Variants in GALNT16 observed in about 807,000 individuals in gnomAD.
The protein encoded by GALNT16 is polypeptide N-acetylgalactosaminyltransferase 16, also known as UDP-GalNAc:polypeptide N-acetylgalactosaminyltransferase-like protein 1.
In GALNT16, 40 loss-of-function variants were observed where a neutral mutation model predicts 76.1. The ratio of observed to expected loss-of-function variants is 0.53; its 90% confidence interval spans 0.41 to 0.68. The LOEUF is 0.68. Ranked by LOEUF, GALNT16 falls within the 30% of genes least tolerant of loss-of-function variation. The pLI is 0.00. For missense variants in GALNT16, 621 were observed against 731.9 expected (o/e 0.85, Z 1.75); for synonymous variants, 276 against 285.2 (o/e 0.97, Z 0.32).
At position 69,299,418 on chromosome 14, in the gene GALNT16, C is replaced by T. The variant is rs569590771; in HGVS notation, c.178-21293C>T. On this transcript the variant is annotated intron_variant, in intron 1 of 14. Transcript: ENST00000448469. Reference sequence around the variant, plus strand: ...CTGGCAGTACTTTGGAATGAATACTCGCAAGGCACACAGGATGGTGCAAAG... The same window carrying T: ...CTGGCAGTACTTTGGAATGAATACTTGCAAGGCACACAGGATGGTGCAAAG... 9.2e-5 allele frequency among the ~76,000 whole-genome samples: 14 copies of T among 152,262 alleles called. 1 individual carries two copies. The South Asian group carries it at 2.1e-3, about 23-fold the overall frequency.
intron 9 of GALNT16, among the ~76,000 whole-genome samples, chr14:69,335,561 T>C (rs759324132): frequency 6.6e-6 from 1 of 152,142 alleles, no homozygotes; most frequent in Non-Finnish European, 1.5e-5. Flanking sequence ...GAGAAACAAG[T>C]GAATGATCAA....
chr14:69,373,672 C>G, the GALNT16 span, among the ~76,000 whole-genome samples: 1 of 152,212 alleles, frequency 6.6e-6, no homozygotes, highest in Non-Finnish European at 1.5e-5. Flanking sequence ...AAGCAAATCA[C>G]TAAGAGATTA....
At chr14:69,384,182 T>C in the GALNT16 span, among the ~76,000 whole-genome samples, 2 of 152,236 alleles carry the variant, frequency 1.3e-5, no homozygotes, top group Non-Finnish European at 2.9e-5. Flanking sequence ...AAAATTCATA[T>C]CATTCTACTC....
intron 1 of GALNT16, among the ~76,000 whole-genome samples, chr14:69,310,503 A>C (rs1461355066): frequency 6.6e-6 from 1 of 152,196 alleles, no homozygotes; most frequent in African/African-American, 2.4e-5. Flanking sequence ...GTGGCCATAA[A>C]GGGAAACATG....
At chr14:69,328,597 G>C in intron 6 of GALNT16, 26 bp downstream of exon 6, 1 of 1,603,932 alleles carries the variant, frequency 6.2e-7, no homozygotes, top group East Asian at 2.2e-5. Context: ...TGGGGAGCTG[G>C]GCGTCCTTGG....
chr14:69,355,072 T>TGTGATCAGAAGCTGAACCTACCCA (rs1440579911), downstream of GALNT16: 1 of 152,276 alleles, frequency 6.6e-6, no homozygotes, highest in African/African-American at 2.4e-5. Context: ...CCACCATGTC[T>TGTGATCAGAAGCTGAACCTACCCA]GTGATCAGAA....
intron 1 of GALNT16, among the ~76,000 whole-genome samples, chr14:69,269,810 T>TG (rs556443351): frequency 0.013 from 1,915 of 144,578 alleles, 42 homozygotes; most frequent in African/African-American, 0.051. Context: ...ATTTGTGTGT[T>TG]TGTGTGTGTG....
intron 1 of GALNT16, among the ~76,000 whole-genome samples, chr14:69,285,984 C>T (rs1436942454): frequency 1.3e-5 from 2 of 152,170 alleles, no homozygotes; most frequent in Non-Finnish European, 2.9e-5. Context: ...TCCCACTTCT[C>T]GAAAGAGCCT....
rs370046026 is a variant in GALNT16, at chr14:69,351,721, T to G, written c.1540-310T>G. ...GTGAGACGTTCTAGCTAGACCAGCC[T>G]GGGCAACATAGCAAGACCCAGTCTC... is the stretch of plus-strand genomic sequence containing the variant. On this transcript the variant is annotated intron_variant, in intron 14 of 14. Coordinates refer to ENST00000448469, the MANE Select transcript of GALNT16 (RefSeq NM_001168368.2). The G allele has an allele frequency of 9.7e-4, 229 of 236,212 alleles. 3 individuals are homozygous for G. In the South Asian group the frequency reaches 0.014, roughly 15 times the overall value. The allele number at this position is 236,212 out of a possible 1,614,324, so 14.6% of individuals were successfully genotyped here.
chr14:69,260,843 G>C (rs1407776741), intron 1 of GALNT16, among the ~76,000 whole-genome samples: 1 of 152,042 alleles, frequency 6.6e-6, no homozygotes, highest in Non-Finnish European at 1.5e-5. Flanking sequence ...CGCGGCGAGC[G>C]GGCGGTGGGA....
At chr14:69,283,696 C>A (rs1463431257) in intron 1 of GALNT16, among the ~76,000 whole-genome samples, 1 of 152,168 alleles carries the variant, frequency 6.6e-6, no homozygotes, top group Admixed American at 6.5e-5. Context: ...TGCCTCATAC[C>A]TACATCACAG....
intron 10 of GALNT16, among the ~76,000 whole-genome samples, chr14:69,339,288 C>A (rs1318858457): frequency 2.0e-5 from 3 of 152,100 alleles, no homozygotes; most frequent in Admixed American, 1.3e-4. Context: ...TTGTCGAGCT[C>A]ATGCTTATTC....
the GALNT16 span, among the ~76,000 whole-genome samples, chr14:69,379,632 A>G: frequency 3.3e-5 from 5 of 152,154 alleles, no homozygotes; most frequent in Admixed American, 1.3e-4. Context: ...TTGGAAGTAC[A>G]CTCCAGCTTG....
At chr14:69,277,992 C>T (rs1384212868) in intron 1 of GALNT16, among the ~76,000 whole-genome samples, 2 of 151,928 alleles carry the variant, frequency 1.3e-5, no homozygotes, top group Non-Finnish European at 2.9e-5. Flanking sequence ...AAATCAAAAC[C>T]ACAATGAAAT....
At chr14:69,305,169 CT>C (rs554703143) in intron 1 of GALNT16, among the ~76,000 whole-genome samples, 15,701 of 126,920 alleles carry the variant, frequency 0.12, 682 homozygotes, top group East Asian at 0.3. Flanking sequence ...CGACAAGTAT[CT>C]TTTTTTTTTT....
At chr14:69,375,623 C>A in the GALNT16 span, among the ~76,000 whole-genome samples, 1 of 152,114 alleles carries the variant, frequency 6.6e-6, no homozygotes, top group East Asian at 1.9e-4. Flanking sequence ...AAAGTGATTT[C>A]TCTAGGGTTT....
the GALNT16 span, among the ~76,000 whole-genome samples, chr14:69,372,515 A>ATTTTTT: frequency 1.9e-5 from 1 of 53,466 alleles, no homozygotes; most frequent in Non-Finnish European, 3.9e-5. Flanking sequence ...TTTTTTTTTG[A>ATTTTTT]AATGGAGTCT....
chr14:69,274,336 A>G (rs1373392340), intron 1 of GALNT16, among the ~76,000 whole-genome samples: 4 of 152,228 alleles, frequency 2.6e-5, no homozygotes, highest in Admixed American at 1.3e-4. Flanking sequence ...TGCATAACAA[A>G]TCACCCCAAA....
chr14:69,271,753 A>G (rs2044410285), intron 1 of GALNT16, among the ~76,000 whole-genome samples: 1 of 152,230 alleles, frequency 6.6e-6, no homozygotes, highest in Non-Finnish European at 1.5e-5. Flanking sequence ...TATATTTTCA[A>G]CTGTAAATTT....
Sources: allele counts gnomAD v4.1 joint callset (sites outside exome capture counted in the v4.1 genomes callset), GRCh38; gene constraint gnomAD v4.1.1; transcripts MANE v1.5; gene names NCBI Gene and HGNC (gene_info 2026-07-23, HGNC 2026-07-21).